The following NCOA1 variants were observed in gnomAD, a reference collection of about 807,000 sequenced individuals.
NCOA1 encodes the protein nuclear receptor coactivator 1, also known as Hin-2 protein.
In NCOA1, 35 loss-of-function variants were observed where a neutral mutation model predicts 150.9. The observed-to-expected ratio is 0.23, with a 90% CI of 0.18 to 0.31. The LOEUF is 0.31. Ranked by LOEUF, NCOA1 falls within the 10% of genes least tolerant of loss-of-function variation. NCOA1 has a pLI of 1.00. For missense variants in NCOA1, 1,491 were observed against 1,749.3 expected, an observed-to-expected ratio of 0.85 and a Z score of 2.63; for synonymous variants, 590 against 630.0, an observed-to-expected ratio of 0.94 and a Z score of 0.95.
At chr2:24,724,607 T>C (rs953223860) in intron 14 of NCOA1, among the ~76,000 whole-genome samples, 1 of 152,158 alleles carries the variant, frequency 6.6e-6, no homozygotes, top group African/African-American at 2.4e-5. Context: ...TTTGAAAATA[T>C]TTTATCCAAC....
At chr2:24,697,923 T>C (rs905421574) in intron 11 of NCOA1, 125 bp downstream of exon 11, 2 of 1,102,102 alleles carry the variant, frequency 1.8e-6, no homozygotes, top group African/African-American at 1.6e-5. Context: ...TAATCAGTTT[T>C]AGGAAAGGAA....
chr2:24,494,607 C>T (rs1473487648), intron 1 of NCOA1, among the ~76,000 whole-genome samples: 2 of 152,178 alleles, frequency 1.3e-5, no homozygotes, highest in African/African-American at 4.8e-5. Flanking sequence ...AACAGAAATT[C>T]TCAGAGGACC....
intron 7 of NCOA1, 143 bp from the exon 8 acceptor site, chr2:24,682,808 T>C: frequency 2.1e-6 from 1 of 472,812 alleles, no homozygotes; most frequent in Non-Finnish European, 3.2e-6. Flanking sequence ...TATGTCTCTC[T>C]CTCCTGCGTA....
At chr2:24,688,813 C>T (rs900280751) in intron 8 of NCOA1, among the ~76,000 whole-genome samples, 3 of 152,186 alleles carry the variant, frequency 2.0e-5, no homozygotes, top group African/African-American at 7.2e-5. Flanking sequence ...ATCATGAAAT[C>T]TTTGCCCATT....
At chr2:24,517,002 GCGCACACACA>G (rs1664226267) in intron 1 of NCOA1, among the ~76,000 whole-genome samples, 4 of 25,780 alleles carry the variant, frequency 1.6e-4, no homozygotes, top group African/African-American at 2.2e-4. Context: ...ATACACACGC[GCGCACACACA>G]CACACACACA....
intron 3 of NCOA1, among the ~76,000 whole-genome samples, chr2:24,641,097 C>G (rs554945858): frequency 3.5e-4 from 53 of 151,864 alleles, no homozygotes; most frequent in African/African-American, 1.3e-3. Context: ...CCTTTATAAC[C>G]TTTTGAACAC....
At chr2:24,558,209 A>C (rs1004806788) in intron 1 of NCOA1, among the ~76,000 whole-genome samples, 1 of 152,038 alleles carries the variant, frequency 6.6e-6, no homozygotes, top group Non-Finnish European at 1.5e-5. Context: ...ATGCAAGTTC[A>C]CTTGTTCTTT....
intron 1 of NCOA1, among the ~76,000 whole-genome samples, chr2:24,561,229 A>G (rs1666280586): frequency 6.6e-6 from 1 of 152,210 alleles, no homozygotes. Context: ...GGTAACCTAC[A>G]GTAAGCAAGG....
intron 11 of NCOA1, among the ~76,000 whole-genome samples, chr2:24,699,703 G>A (rs1293291792): frequency 6.6e-6 from 1 of 152,102 alleles, no homozygotes; most frequent in Non-Finnish European, 1.5e-5. Context: ...AGCCTTTTTT[G>A]ATATTTTCTA....
intron 14 of NCOA1, chr2:24,711,367 T>C: frequency 3.3e-6 from 1 of 300,540 alleles, no homozygotes. Flanking sequence ...TTTTGTCGTC[T>C]CACCCAAAAC....
chr2:24,639,498 A>T (rs979854266), intron 3 of NCOA1, among the ~76,000 whole-genome samples: 2 of 151,970 alleles, frequency 1.3e-5, no homozygotes, highest in Non-Finnish European at 2.9e-5. Context: ...TTTTAGCTTT[A>T]GTTTTTTTCA....
intron 1 of NCOA1, among the ~76,000 whole-genome samples, chr2:24,526,244 T>G (rs1664647593): frequency 1.3e-5 from 2 of 152,198 alleles, no homozygotes; most frequent in Non-Finnish European, 2.9e-5. Flanking sequence ...GTGATTACAG[T>G]GATCCAAGTT....
chr2:24,731,669 G>A (rs946625331), intron 17 of NCOA1, among the ~76,000 whole-genome samples: 3 of 152,182 alleles, frequency 2.0e-5, no homozygotes, highest in Non-Finnish European at 2.9e-5. Flanking sequence ...ATTAAAGGAA[G>A]AGAGAGGAAA....
chr2:24,595,974 T>C (rs1667868519), intron 3 of NCOA1, among the ~76,000 whole-genome samples: 1 of 152,134 alleles, frequency 6.6e-6, no homozygotes, highest in Admixed American at 6.5e-5. Flanking sequence ...ACAGCATCTG[T>C]GTTGAGGTAG....
intron 7 of NCOA1, among the ~76,000 whole-genome samples, chr2:24,677,343 C>T (rs975305778): frequency 4.0e-5 from 6 of 151,666 alleles, no homozygotes; most frequent in African/African-American, 1.5e-4. Flanking sequence ...GACCCTGTCT[C>T]AAAAACAAAA....
intron 4 of NCOA1, among the ~76,000 whole-genome samples, chr2:24,653,047 T>A (rs947087731): frequency 2.6e-5 from 4 of 152,210 alleles, no homozygotes; most frequent in Admixed American, 1.3e-4. Flanking sequence ...CTCTTGGCTC[T>A]TATTTCAGTA....
chr2:24,554,824 A>G (rs774018715), intron 1 of NCOA1, among the ~76,000 whole-genome samples: 25 of 152,134 alleles, frequency 1.6e-4, no homozygotes, highest in Middle Eastern at 3.2e-3. Context: ...CCTGTTACTG[A>G]TTTGATTTGG....
At chr2:24,710,409 A>G (rs1673689615) in intron 13 of NCOA1, among the ~76,000 whole-genome samples, 1 of 152,180 alleles carries the variant, frequency 6.6e-6, no homozygotes, top group Non-Finnish European at 1.5e-5. Context: ...CTATTCTAAA[A>G]GATATGTTTC....
At chr2:24,498,953 T>C (rs943022552) in intron 1 of NCOA1, among the ~76,000 whole-genome samples, 1 of 152,210 alleles carries the variant, frequency 6.6e-6, no homozygotes, top group Non-Finnish European at 1.5e-5. Flanking sequence ...TATATGGTTT[T>C]TTTTTTGAAT....
Sources: allele counts gnomAD v4.1 joint callset (sites outside exome capture counted in the v4.1 genomes callset), GRCh38; gene constraint gnomAD v4.1.1; transcripts MANE v1.5; gene names NCBI Gene and HGNC (gene_info 2026-07-23, HGNC 2026-07-21).